SCP2: variants seen among roughly 807,000 people sequenced by gnomAD.
SCP2 encodes SCP-2/3-oxoacyl-CoA thiolase.
In SCP2, 48 loss-of-function variants were observed where a neutral mutation model predicts 71.4. That is an observed-to-expected ratio of 0.67 (90% CI 0.53 to 0.86). SCP2 has a LOEUF of 0.86. Among genes scored for constraint, SCP2 ranks in the 40% least tolerant of loss-of-function variants. The probability of loss-of-function intolerance (pLI) is 0.00; values close to 1 mark genes in which losing one functional copy is unlikely to be tolerated. For missense variants in SCP2, 560 were observed against 655.6 expected (o/e 0.85, Z 1.59); for synonymous variants, 220 against 218.1 (o/e 1.01, Z -0.08).
chr1:53,022,289 G>C (rs904436067), intron 12 of SCP2, among the ~76,000 whole-genome samples: 2 of 152,116 alleles, frequency 1.3e-5, no homozygotes, highest in Non-Finnish European at 2.9e-5. Context: ...CATCCATGTT[G>C]TGGCATATAT....
rs189828654 is a variant in SCP2, at chr1:52,956,606, A to G, written c.396+1802A>G. ...GGGAAATGAGCTCTTCCTAGATGTC[A>G]GGGAAAGCATCATGAGCCTAGTCAT... On this transcript the variant is annotated intron_variant, in intron 5 of 15. Transcript: ENST00000371514. Among the ~76,000 whole-genome samples, 1,105 of 152,274 alleles carry G rather than the reference A, an allele frequency of 7.3e-3. 15 individuals are homozygous for G. Among genetic ancestry groups the G allele is most frequent in the Non-Finnish European group, 8.9e-3 (603 of 68,014 alleles).
chr1:53,034,833 C>T (rs1286048402), intron 13 of SCP2, among the ~76,000 whole-genome samples: 4 of 152,080 alleles, frequency 2.6e-5, no homozygotes, highest in African/African-American at 4.8e-5. Flanking sequence ...AGGCCAGGCA[C>T]GGTGGCTCAC....
intron 11 of SCP2, chr1:52,995,597 T>C (rs1659878242): frequency 1.9e-6 from 1 of 514,452 alleles, no homozygotes; most frequent in African/African-American, 1.9e-5. Flanking sequence ...AGGATTTCAA[T>C]GCCAAGAACA....
Position 53,051,662 on chromosome 1 carries a change from A to G in SCP2, c.*958A>G, listed in dbSNP as rs188096239. The G allele has an allele frequency of 5.9e-5, 9 of 152,304 alleles. No homozygotes were observed. The East Asian group carries it at 1.3e-3, about 23-fold the overall frequency. The allele number at this position is 152,304 out of a possible 1,614,324, so 9.4% of individuals were successfully genotyped here. The stretch of plus-strand genomic sequence containing the variant: ...TTGCTCAGGGCTCTCTAGATAATGC[A>G]GAATAAAGAGAAACGTTGGGGGATT... On this transcript the variant is annotated 3_prime_UTR_variant, in exon 16 of 16. Coordinates refer to ENST00000371514, the MANE Select transcript of SCP2 (RefSeq NM_002979.5).
intron 13 of SCP2, among the ~76,000 whole-genome samples, chr1:53,029,276 T>C (rs1662353838): frequency 6.6e-6 from 1 of 151,934 alleles, no homozygotes; most frequent in Admixed American, 6.6e-5. Flanking sequence ...GTTTTTTTTT[T>C]TTTTTGAAAC....
intron 12 of SCP2, among the ~76,000 whole-genome samples, chr1:53,016,718 G>A (rs925498523): frequency 1.3e-5 from 2 of 152,156 alleles, no homozygotes; most frequent in African/African-American, 4.8e-5. Flanking sequence ...TTTTGTGTGT[G>A]CCTGGGTAGA....
chr1:52,985,530 G>C (rs1658909712), intron 10 of SCP2, among the ~76,000 whole-genome samples: 2 of 152,196 alleles, frequency 1.3e-5, no homozygotes, highest in African/African-American at 2.4e-5. Flanking sequence ...GAGTCTTATG[G>C]CTGGTCCCGT....
intron 14 of SCP2, among the ~76,000 whole-genome samples, chr1:53,043,726 C>T (rs1360876710): frequency 1.3e-5 from 2 of 152,166 alleles, no homozygotes; most frequent in Admixed American, 6.5e-5. Flanking sequence ...ATTTTACTTC[C>T]TGAAGCCCCC....
intron 5 of SCP2, among the ~76,000 whole-genome samples, chr1:52,960,717 C>CGTGTGTGT (rs145935532): frequency 9.6e-6 from 1 of 104,084 alleles, no homozygotes; most frequent in African/African-American, 3.1e-5. Context: ...ATATTATGTG[C>CGTGTGTGT]GTGTGTGTGT....
chr1:52,963,369 GT>G (rs200554564), intron 6 of SCP2, among the ~76,000 whole-genome samples: 4,158 of 146,514 alleles, frequency 0.028, 147 homozygotes, highest in East Asian at 0.19. Flanking sequence ...CCAGAAAGAA[GT>G]TTTTTTTTTT....
chr1:52,987,816 G>A (rs557631653), intron 10 of SCP2, among the ~76,000 whole-genome samples: 1 of 152,228 alleles, frequency 6.6e-6, no homozygotes, highest in Admixed American at 6.5e-5. Flanking sequence ...GAGCTCTAAG[G>A]AACTAATAGG....
intron 11 of SCP2, among the ~76,000 whole-genome samples, chr1:52,999,816 T>TTTTTTTTTTTG (rs1660189494): frequency 2.4e-5 from 2 of 84,172 alleles, no homozygotes; most frequent in African/African-American, 3.1e-4. Context: ...TGAACACTTG[T>TTTTTTTTTTTG]TTTTTTTTTT....
At chr1:52,941,930 C>G in intron 2 of SCP2, 77 bp downstream of exon 2, 1 of 1,060,770 alleles carries the variant, frequency 9.4e-7, no homozygotes, top group African/African-American at 1.6e-5. Context: ...ATGGGGCAGC[C>G]TTGCAAGCAC....
rs779336359 is a variant in SCP2 at position 52,978,433 on chromosome 1, G to C, written c.825+66G>C. The C allele has an allele frequency of 8.2e-5, 103 of 1,262,512 alleles. 1 individual carries two copies. The South Asian group carries it at 1.3e-3, about 15-fold the overall frequency. The allele number at this position is 1,262,512 out of a possible 1,614,324, so 78.2% of individuals were successfully genotyped here. ...GGAGTCTCATGATTCTTGTGATGGAGCCATGCATTATTATATAATAACTTT... is the reference window on the plus strand; with the variant it reads ...GGAGTCTCATGATTCTTGTGATGGACCCATGCATTATTATATAATAACTTT... On this transcript the variant is annotated intron_variant, in intron 9 of 15. Coordinates refer to ENST00000371514, the MANE Select transcript of SCP2 (RefSeq NM_002979.5).
At chr1:53,002,153 C>T (rs1660356727) in intron 11 of SCP2, among the ~76,000 whole-genome samples, 1 of 150,330 alleles carries the variant, frequency 6.7e-6, no homozygotes, top group South Asian at 2.1e-4. Context: ...CGCCACTGCA[C>T]TCCAGCCTGG....
rs1167077592 is a variant in SCP2, at chr1:53,051,578, G to A, written c.*874G>A. Reference sequence around the variant, plus strand: ...GATAAAATAATGCTTTGAGAAGAATGTTTAATAGAAAATTAAAATAACTTT... The same window carrying A: ...GATAAAATAATGCTTTGAGAAGAATATTTAATAGAAAATTAAAATAACTTT... On this transcript the variant is annotated 3_prime_UTR_variant, in exon 16 of 16. Coordinates refer to ENST00000371514, the MANE Select transcript of SCP2 (RefSeq NM_002979.5). The A allele has an allele frequency of 6.6e-6, 1 of 152,138 alleles. No homozygotes were observed. The allele number at this position is 152,138 out of a possible 1,614,324, so 9.4% of individuals were successfully genotyped here.
chr1:53,045,051 G>A (rs1409025444), intron 14 of SCP2, among the ~76,000 whole-genome samples: 1 of 152,124 alleles, frequency 6.6e-6, no homozygotes, highest in Non-Finnish European at 1.5e-5. Flanking sequence ...CCCATCACCT[G>A]TTTTTTTGTT....
intron 4 of SCP2, among the ~76,000 whole-genome samples, chr1:52,953,756 AG>A (rs1346213436): frequency 1.3e-5 from 2 of 149,486 alleles, no homozygotes; most frequent in African/African-American, 4.9e-5. Flanking sequence ...TGGGAAGCTG[AG>A]GTGGGTGGAT....
chr1:52,995,716 G>A (rs1659886901), intron 11 of SCP2: 2 of 760,462 alleles, frequency 2.6e-6, no homozygotes, highest in Admixed American at 3.5e-5. Flanking sequence ...GCTACTTTGT[G>A]GAGTGGATCC....
Sources: gnomAD v4.1 joint callset for allele counts (sites outside exome capture counted in the v4.1 genomes callset) on GRCh38, gnomAD v4.1.1 for gene constraint, MANE v1.5 for transcripts, NCBI Gene and HGNC (gene_info 2026-07-23, HGNC 2026-07-21) for gene names.